The following CYFIP1 variants were observed in gnomAD, a reference collection of about 807,000 sequenced individuals.
CYFIP1 encodes cytoplasmic FMR1-interacting protein 1.
In CYFIP1, 58 loss-of-function variants were observed where a neutral mutation model predicts 163.5. The ratio of observed to expected loss-of-function variants is 0.35; its 90% CI spans 0.29 to 0.44. CYFIP1 has a LOEUF of 0.44. Ranked by LOEUF, CYFIP1 falls within the 20% of genes least tolerant of loss-of-function variation. CYFIP1 has a pLI of 1.00. For missense variants in CYFIP1, 1,338 were observed against 1,653.8 expected, an observed-to-expected ratio of 0.81 and a Z score of 3.31; for synonymous variants, 663 against 660.7, an observed-to-expected ratio of 1.00 and a Z score of -0.05.
At chr15:22,875,297 G>C (rs749245929) in intron 26 of CYFIP1, 26 bp from the exon 27 acceptor site, 13 of 1,605,130 alleles carry the variant, frequency 8.1e-6, no homozygotes, top group African/African-American at 1.3e-5. Context: ...AGAGGGTCAA[G>C]CTAGGAAGGG....
intron 20 of CYFIP1, 22 bp from the exon 21 acceptor site, chr15:22,909,335 G>A (rs72698056): frequency 0.088 from 141,540 of 1,613,028 alleles, 7,013 homozygotes; most frequent in South Asian, 0.13. Flanking sequence ...AGGGAAGGAT[G>A]GCAGGTAAAG....
intron 1 of CYFIP1, among the ~76,000 whole-genome samples, chr15:22,975,501 T>TCCCAGCA (rs1347982401): frequency 1.5e-5 from 2 of 136,014 alleles, no homozygotes; most frequent in Admixed American, 7.4e-5. Flanking sequence ...ACGCCTGTAA[T>TCCCAGCA]CCCAGCACTC....
At chr15:22,891,993 G>T (rs952584796) in intron 23 of CYFIP1, among the ~76,000 whole-genome samples, 1 of 152,240 alleles carries the variant, frequency 6.6e-6, no homozygotes. Context: ...CTTCCTACAA[G>T]CGAGGACACT....
chr15:22,910,164 TTC>T (rs2060736278), intron 20 of CYFIP1, among the ~76,000 whole-genome samples: 2 of 151,262 alleles, frequency 1.3e-5, no homozygotes, highest in Non-Finnish European at 2.9e-5. Flanking sequence ...CATTTTTTTT[TTC>T]TTTTTTTTGA....
intron 24 of CYFIP1, 39 bp downstream of exon 24, chr15:22,882,829 C>A: frequency 1.3e-6 from 2 of 1,594,628 alleles, no homozygotes; most frequent in Non-Finnish European, 1.7e-6. Flanking sequence ...CCCAGGGAAT[C>A]CAGGCTGTGT....
rs1430900519 is a variant in CYFIP1 at position 22,879,965 on chromosome 15, A to T, written c.2990T>A (p.Leu997Gln). ...GAGGATGGCGTTCCCCACCTCCCGC[A>T]GGTTCTGGAAGCACACCGTCTTCAG... Reference protein sequence around the residue: ...AELKTVCFQNLREVGNAILFC... With the variant: ...AELKTVCFQNQREVGNAILFC... The change falls in exon 26 of 31, where the codon CTG becomes CAG. Residue 997 changes from leucine to glutamine, a missense_variant. Transcript: ENST00000617928. 1 of 1,613,830 alleles carries T rather than the reference A, an allele frequency of 6.2e-7. No individual in the cohort carries two copies. Among genetic ancestry groups the T allele is most frequent in the Non-Finnish European group, 8.5e-7 (1 of 1,179,942 alleles).
intron 13 of CYFIP1, among the ~76,000 whole-genome samples, chr15:22,920,118 C>G (rs2061123104): frequency 1.3e-5 from 2 of 150,138 alleles, no homozygotes; most frequent in African/African-American, 2.5e-5. Context: ...CAAAAAAAAC[C>G]TTTTGAAATT....
intron 23 of CYFIP1, among the ~76,000 whole-genome samples, chr15:22,892,483 C>CA (rs2060109727): frequency 6.6e-6 from 1 of 152,156 alleles, no homozygotes; most frequent in South Asian, 2.1e-4. Flanking sequence ...CTCCTCCGGT[C>CA]AGGCCTTACA....
At chr15:22,939,049 G>A in intron 8 of CYFIP1, 143 bp downstream of exon 8, 2 of 975,836 alleles carry the variant, frequency 2.0e-6, no homozygotes, top group Non-Finnish European at 3.0e-6. Context: ...TGCAGGCTGT[G>A]TGCAAGGGCA....
intron 1 of CYFIP1, among the ~76,000 whole-genome samples, chr15:22,973,424 A>G (rs1397624354): frequency 6.6e-6 from 1 of 150,766 alleles, no homozygotes; most frequent in Non-Finnish European, 1.5e-5. Context: ...TTCTGGCCCC[A>G]GGCAATCACC....
intron 1 of CYFIP1, among the ~76,000 whole-genome samples, chr15:22,949,262 T>C (rs372378633): frequency 2.0e-5 from 3 of 151,460 alleles, no homozygotes; most frequent in Non-Finnish European, 2.9e-5. Context: ...GGGCACAATG[T>C]GCCTAAGCCT....
chr15:22,932,182 G>A (rs1453445607), intron 11 of CYFIP1, 41 bp downstream of exon 11: 5 of 1,455,248 alleles, frequency 3.4e-6, no homozygotes, highest in Admixed American at 2.0e-5. Context: ...ACACACAGGC[G>A]ACCCTCGGGT....
At chr15:22,960,351 C>A (rs1308429394) in intron 1 of CYFIP1, among the ~76,000 whole-genome samples, 1 of 152,230 alleles carries the variant, frequency 6.6e-6, no homozygotes, top group Non-Finnish European at 1.5e-5. Flanking sequence ...CCTTCGGGTG[C>A]CCCATTTCAG....
At chr15:22,952,752 T>C (rs1282485905) in intron 1 of CYFIP1, among the ~76,000 whole-genome samples, 3 of 151,492 alleles carry the variant, frequency 2.0e-5, no homozygotes, top group Non-Finnish European at 4.4e-5. Flanking sequence ...TGATGCTGAT[T>C]AATCAGAAAA....
chr15:22,917,716 G>A lies in CYFIP1; in HGVS notation c.1674+72C>T. ...ACCTCATTTAACCCGGGCCTCACCAGCCCCACCCGCTCACAGCTCAGGGTG... is the reference window on the plus strand; with the variant it reads ...ACCTCATTTAACCCGGGCCTCACCAACCCCACCCGCTCACAGCTCAGGGTG... On this transcript the variant is annotated intron_variant, in intron 15 of 30. Coordinates refer to ENST00000617928, the MANE Select transcript of CYFIP1 (RefSeq NM_014608.6). The surrounding 1 kb of genome is among the most constrained non-coding windows in gnomAD (Gnocchi z 4.2). 2.9e-5 allele frequency: 43 copies of A among 1,495,446 alleles called. No homozygotes were observed. The highest frequency in any genetic ancestry group is 3.8e-5 in the Non-Finnish European group (43 of 1,122,412). 92.6% of individuals were successfully genotyped at this position (1,495,446 alleles called of 1,614,324 possible). A position where few individuals can be genotyped will look rare whatever the true frequency, so the allele number is the denominator to read the frequency against.
chr15:22,873,017 T>G, intron 29 of CYFIP1, 45 bp from the exon 30 acceptor site: 1 of 1,602,010 alleles, frequency 6.2e-7, no homozygotes. Context: ...AGTGATACGT[T>G]ATGAAGTCTT....
intron 23 of CYFIP1, among the ~76,000 whole-genome samples, chr15:22,887,942 G>A (rs754717066): frequency 3.3e-5 from 5 of 152,112 alleles, no homozygotes; most frequent in Non-Finnish European, 5.9e-5. Flanking sequence ...CTCTGGACTC[G>A]CCAGTCGTGC....
At chr15:22,922,476 T>C (rs2061216924) in intron 13 of CYFIP1, among the ~76,000 whole-genome samples, 1 of 152,216 alleles carries the variant, frequency 6.6e-6, no homozygotes, top group South Asian at 2.1e-4. Context: ...ACTCCACTCC[T>C]GTGCCTTTTC....
chr15:22,976,525 A>G (rs2063286695), intron 1 of CYFIP1, among the ~76,000 whole-genome samples: 1 of 136,528 alleles, frequency 7.3e-6, no homozygotes, highest in African/African-American at 2.5e-5. Flanking sequence ...ATTATCTGCA[A>G]TTTCTGTTTC....
Sources: allele counts gnomAD v4.1 joint callset (sites outside exome capture counted in the v4.1 genomes callset), GRCh38; gene constraint gnomAD v4.1.1; non-coding constraint Gnocchi (gnomAD v3.1); transcripts MANE v1.5; gene names NCBI Gene and HGNC (gene_info 2026-07-23, HGNC 2026-07-21).